Variants in SLC44A1 observed in about 807,000 individuals in gnomAD.
SLC44A1 encodes the protein solute carrier family 44 member 1, also known as choline transporter-like protein 1.
SLC44A1 carries 26 observed loss-of-function variants against 79.3 expected under a neutral mutation model. That is an observed-to-expected ratio of 0.33 (90% CI 0.24 to 0.46). The LOEUF (loss-of-function observed/expected upper bound fraction) is 0.46, where lower values mean the gene tolerates loss of function less well. SLC44A1 is among the 20% of genes least tolerant of loss of function. The pLI is 1.00. For synonymous variants in SLC44A1, 263 were observed against 286.2 expected, an observed-to-expected ratio of 0.92 and a Z score of 0.82; for missense variants, 688 against 798.1, an observed-to-expected ratio of 0.86 and a Z score of 1.66.
At chr9:105,386,103 C>T (rs1241896103) in intron 15 of SLC44A1, 3 of 984,602 alleles carry the variant, frequency 3.0e-6, no homozygotes, top group Non-Finnish European at 3.6e-6. Flanking sequence ...CTAGTCTTCT[C>T]CCAGTTTAAT....
downstream of SLC44A1, among the ~76,000 whole-genome samples, chr9:105,402,200 G>A (rs144734328): frequency 2.0e-5 from 3 of 152,294 alleles, no homozygotes; most frequent in Non-Finnish European, 2.9e-5. Flanking sequence ...CAGGTTGTAA[G>A]CAGAGGAGCA....
intron 1 of SLC44A1, among the ~76,000 whole-genome samples, chr9:105,278,243 CTATTTATT>C (rs577449203): frequency 2.7e-5 from 4 of 149,668 alleles, no homozygotes; most frequent in African/African-American, 7.4e-5. Context: ...TTTTCTTTTT[CTATTTATT>C]TATTTATTTA....
intron 15 of SLC44A1, among the ~76,000 whole-genome samples, chr9:105,414,817 GA>G (rs573253578): frequency 2.0e-5 from 3 of 149,560 alleles, no homozygotes; most frequent in Non-Finnish European, 3.0e-5. Flanking sequence ...GAACAAAAAA[GA>G]AAAAAAAACC....
At chr9:105,361,085 A>C in intron 7 of SLC44A1, 106 bp from the exon 8 acceptor site, 1 of 1,106,272 alleles carries the variant, frequency 9.0e-7, no homozygotes, top group Non-Finnish European at 1.4e-6. Context: ...TTGTCACTGC[A>C]TTAGTCCCAT....
chr9:105,265,223 C>T (rs1829934079), intron 1 of SLC44A1, among the ~76,000 whole-genome samples: 1 of 152,172 alleles, frequency 6.6e-6, no homozygotes, highest in African/African-American at 2.4e-5. Context: ...GACGCATGGC[C>T]TTATGGAGCC....
At chr9:105,423,179 G>A (rs1028233060) in intron 15 of SLC44A1, among the ~76,000 whole-genome samples, 1 of 152,132 alleles carries the variant, frequency 6.6e-6, no homozygotes, top group Admixed American at 6.5e-5. Context: ...GGTGGCTCAC[G>A]CCTGTAATCT....
intron 15 of SLC44A1, among the ~76,000 whole-genome samples, chr9:105,421,207 A>G (rs931875373): frequency 6.6e-6 from 1 of 152,208 alleles, no homozygotes; most frequent in African/African-American, 2.4e-5. Context: ...TTAATATTTT[A>G]TGAATTAGAT....
intron 15 of SLC44A1, among the ~76,000 whole-genome samples, chr9:105,416,537 A>G (rs771652737): frequency 5.9e-5 from 9 of 152,174 alleles, no homozygotes; most frequent in Non-Finnish European, 1.3e-4. Context: ...GAAAAGTGTG[A>G]TCTTCCAAAT....
chr9:105,269,640 T>A (rs549582244), intron 1 of SLC44A1, among the ~76,000 whole-genome samples: 7 of 152,208 alleles, frequency 4.6e-5, no homozygotes, highest in African/African-American at 7.2e-5. Context: ...GAGTTGACAT[T>A]ATGCTCAATT....
chr9:105,252,105 A>G (rs1829602379), intron 1 of SLC44A1, among the ~76,000 whole-genome samples: 1 of 152,202 alleles, frequency 6.6e-6, no homozygotes, highest in African/African-American at 2.4e-5. Context: ...ACAAGGTTTT[A>G]TTGGGACACA....
intron 4 of SLC44A1, among the ~76,000 whole-genome samples, chr9:105,340,326 T>C (rs143838477): frequency 2.7e-3 from 403 of 151,914 alleles, no homozygotes; most frequent in Non-Finnish European, 4.5e-3. Flanking sequence ...CACCCTGGAG[T>C]AGTCAAATTT....
intron 13 of SLC44A1, 126 bp from the exon 14 acceptor site, chr9:105,382,997 T>G: frequency 1.5e-6 from 1 of 658,844 alleles, no homozygotes. Context: ...ATTTCCTCAT[T>G]TGAGATGGAA....
chr9:105,351,826 T>C (rs1254505753), intron 5 of SLC44A1, among the ~76,000 whole-genome samples: 1 of 152,168 alleles, frequency 6.6e-6, no homozygotes, highest in African/African-American at 2.4e-5. Context: ...TGTCAAGATA[T>C]TGCCCCCAAT....
At chr9:105,371,395 A>C (rs938545805) in intron 12 of SLC44A1, among the ~76,000 whole-genome samples, 4 of 152,226 alleles carry the variant, frequency 2.6e-5, no homozygotes, top group Non-Finnish European at 5.9e-5. Flanking sequence ...ATATGTAAAC[A>C]ATGAGCACAG....
intron 15 of SLC44A1, among the ~76,000 whole-genome samples, chr9:105,429,906 A>G (rs1829370863): frequency 6.7e-6 from 1 of 148,964 alleles, no homozygotes; most frequent in Non-Finnish European, 1.5e-5. Context: ...AAGTATATAT[A>G]TATATTTTGA....
intron 6 of SLC44A1, 84 bp downstream of exon 6, chr9:105,356,465 T>A: frequency 4.7e-6 from 4 of 848,428 alleles, no homozygotes; most frequent in Non-Finnish European, 7.2e-6. Flanking sequence ...TGAATACAAC[T>A]GGGGATACTT....
chr9:105,279,559 G>T (rs1379860621), intron 1 of SLC44A1, among the ~76,000 whole-genome samples: 2 of 151,882 alleles, frequency 1.3e-5, no homozygotes, highest in Non-Finnish European at 1.5e-5. Context: ...CTCGTGAGCC[G>T]CCCGCCTCGG....
chr9:105,400,583 C>T (rs1452840807), downstream of SLC44A1, among the ~76,000 whole-genome samples: 2 of 152,126 alleles, frequency 1.3e-5, no homozygotes, highest in African/African-American at 4.8e-5. Flanking sequence ...TTTCTGACTC[C>T]TGACTCTTCT....
rs1459036881 is a variant in SLC44A1, at chr9:105,433,765, C to G, written c.1951-4516C>G. 3.9e-5 allele frequency among the ~76,000 whole-genome samples: 6 copies of G among 152,152 alleles called. No homozygotes were observed. The East Asian group carries it at 1.2e-3, about 29-fold the overall frequency. Reference sequence around the variant, plus strand: ...AAAGGAAAATGCCTAAAGATGCTCACACAGGGGGTTCTCTAGCTAGAAAGT... The same window carrying G: ...AAAGGAAAATGCCTAAAGATGCTCAGACAGGGGGTTCTCTAGCTAGAAAGT... On this transcript the variant is annotated intron_variant, in intron 15 of 15. Coordinates refer to the SLC44A1 transcript ENST00000374724.
Sources: allele counts gnomAD v4.1 joint callset (sites outside exome capture counted in the v4.1 genomes callset), GRCh38; gene constraint gnomAD v4.1.1; transcripts MANE v1.5; gene names NCBI Gene and HGNC (gene_info 2026-07-23, HGNC 2026-07-21).